Variants in EHHADH observed in about 807,000 individuals in gnomAD.
The protein encoded by EHHADH is peroxisomal bifunctional enzyme.
A neutral mutation model predicts 64.4 loss-of-function variants in EHHADH; 48 were observed. The ratio of observed to expected loss-of-function variants is 0.75; its 90% CI spans 0.59 to 0.95. The LOEUF is 0.95. Among genes scored for constraint, EHHADH ranks in the 40% least tolerant of loss-of-function variants. The pLI, the probability that EHHADH is intolerant of heterozygous loss-of-function variation, is 0.00. For synonymous variants in EHHADH, 308 were observed against 326.7 expected (o/e 0.94, Z 0.62); for missense variants, 854 against 876.6 (o/e 0.97, Z 0.33).
At chr3:185,218,727 T>TA (rs989044774) in intron 4 of EHHADH, among the ~76,000 whole-genome samples, 65 of 144,012 alleles carry the variant, frequency 4.5e-4, no homozygotes, top group East Asian at 1.8e-3. Flanking sequence ...TGTGGATGGT[T>TA]AAAAAAAAAA....
intron 1 of EHHADH, among the ~76,000 whole-genome samples, chr3:185,248,936 A>C (rs1173899572): frequency 6.6e-6 from 1 of 152,232 alleles, no homozygotes; most frequent in Non-Finnish European, 1.5e-5. Context: ...AGGTACAAAG[A>C]AAAAGTGATG....
rs3072431 is a variant in EHHADH, at chr3:185,251,608, ATGTGTGTGTGTGTG to A, written c.74+2327_74+2340del. ...TATTTGTTTTGGGGAAAAAATTTAT[ATGTGTGTGTGTGTG>A]TGTGTGTGTGTGTGTGTATTACACT... is the stretch of plus-strand genomic sequence containing the variant. On this transcript the variant is annotated intron_variant, in intron 1 of 6. Coordinates refer to ENST00000231887, the MANE Select transcript of EHHADH (RefSeq NM_001966.4). Among the ~76,000 whole-genome samples, 811 of 149,310 alleles carry A rather than the reference ATGTGTGTGTGTGTG, an allele frequency of 5.4e-3. 10 individuals carry two copies. Among genetic ancestry groups the A allele is most frequent in the African/African-American group, 0.019 (780 of 40,662 alleles).
chr3:185,193,024 A>T lies in EHHADH; in HGVS notation c.1374T>A (p.Thr458=), dbSNP rs1480698028. The change falls in exon 7 of 7, where the codon ACT becomes ACA. Residue 458 remains threonine (T), a synonymous_variant. Transcript: ENST00000231887. ...SQYSSPTTIA[T]VMNLSKKIKK... is the part of the protein sequence containing the mutation. ...TAATCTTTTTTGATAAGTTCATAACAGTGGCAATGGTAGTGGGGGAAGAGT... is the reference window on the plus strand; with the variant it reads ...TAATCTTTTTTGATAAGTTCATAACTGTGGCAATGGTAGTGGGGGAAGAGT... 1 of 1,614,238 alleles carries T rather than the reference A, an allele frequency of 6.2e-7. No individual in the cohort carries two copies. Among genetic ancestry groups the T allele is most frequent in the Admixed American group, 1.7e-5 (1 of 60,022 alleles).
chr3:185,217,401 G>A (rs996819434), intron 5 of EHHADH, among the ~76,000 whole-genome samples: 10 of 151,706 alleles, frequency 6.6e-5, no homozygotes, highest in African/African-American at 9.7e-5. Context: ...AATAATTAGC[G>A]GGGCATGGTG....
Position 185,192,581 on chromosome 3 carries a change from G to A in EHHADH, c.1817C>T (p.Thr606Ile). 1.2e-6 allele frequency: 2 copies of A among 1,614,178 alleles called. No homozygotes were observed. The highest frequency in any genetic ancestry group is 1.7e-6 in the Non-Finnish European group (2 of 1,180,036). The change falls in exon 7 of 7, where the codon ACC becomes ATC. Residue 606 changes from threonine (T) to isoleucine (I), a missense_variant. Thr to Ile is a moderately conservative substitution (Grantham distance 89). Coordinates refer to ENST00000231887, the MANE Select transcript of EHHADH (RefSeq NM_001966.4). ...AATGGTACGTGGTTCAATGTGATGG[G>A]TTTTTCTATACCGTGATAGGAATTT... ...LSKFLSRYRKTHHIEPRTISQ... is the reference protein window; with the variant it reads ...LSKFLSRYRKIHHIEPRTISQ...
At chr3:185,212,564 G>A (rs983852579) in intron 5 of EHHADH, among the ~76,000 whole-genome samples, 3 of 151,430 alleles carry the variant, frequency 2.0e-5, no homozygotes, top group African/African-American at 4.9e-5. Context: ...TTCTTCTTTC[G>A]TTGTTGTTGT....
intron 6 of EHHADH, among the ~76,000 whole-genome samples, chr3:185,195,911 C>A (rs192606655): frequency 6.6e-6 from 1 of 152,112 alleles, no homozygotes; most frequent in South Asian, 2.1e-4. Flanking sequence ...TGCACACGTA[C>A]CCCCTGAATC....
At chr3:185,218,744 C>T (rs567363432) in intron 4 of EHHADH, among the ~76,000 whole-genome samples, 76 of 151,906 alleles carry the variant, frequency 5.0e-4, no homozygotes, top group East Asian at 2.7e-3. Context: ...AAAAAAGGAC[C>T]GGGCACGGTG....
chr3:185,231,989 G>A (rs1719147323), intron 3 of EHHADH, among the ~76,000 whole-genome samples: 1 of 151,482 alleles, frequency 6.6e-6, no homozygotes, highest in Non-Finnish European at 1.5e-5. Context: ...TTTAAAGTCA[G>A]ACAGTAATCT....
Position 185,217,955 on chromosome 3 carries a change from C to T in EHHADH, c.568+181G>A, listed in dbSNP as rs527934957. ...AATTTTTTGTATTTTTTAGTAGACA[C>T]GGGGTTTCACCGTGTTAGCCAGGAT... On this transcript the variant is annotated intron_variant, in intron 5 of 6. Coordinates refer to ENST00000231887, the MANE Select transcript of EHHADH (RefSeq NM_001966.4). Among the ~76,000 whole-genome samples the T allele has an allele frequency of 2.6e-5, 4 of 151,754 alleles. No homozygotes were observed. In the South Asian group the frequency reaches 8.4e-4, roughly 32 times the overall value.
chr3:185,253,729 T>TC, intron 1 of EHHADH: 1 of 1,080,896 alleles, frequency 9.3e-7, no homozygotes, highest in Non-Finnish European at 1.2e-6. Context: ...GGACGAGAGT[T>TC]CCCTGCGAAG....
chr3:185,196,998 T>C (rs1180809104), intron 6 of EHHADH, among the ~76,000 whole-genome samples: 1 of 148,342 alleles, frequency 6.7e-6, no homozygotes, highest in Admixed American at 6.7e-5. Context: ...TGAGACTCCA[T>C]CTTGAAGAAA....
At chr3:185,240,932 T>C (rs2108649488) in intron 2 of EHHADH, among the ~76,000 whole-genome samples, 1 of 152,176 alleles carries the variant, frequency 6.6e-6, no homozygotes, top group East Asian at 1.9e-4. Flanking sequence ...TGCACTGTAT[T>C]TGTAGTCTTT....
Position 185,218,135 on chromosome 3 carries a change from C to T in EHHADH, c.568+1G>A, listed in dbSNP as rs113199940. On this transcript the variant is annotated splice_donor_variant, in intron 5 of 6. Transcript: ENST00000231887. LOFTEE classifies it high-confidence loss of function. ...GGCTATTTTTATTATTATCTTCTTA[C>T]CTGAAACTCTCTGAGCAAATCTGAT... 10 of 1,595,126 alleles carry T rather than the reference C, an allele frequency of 6.3e-6. No individual in the cohort carries two copies. The highest frequency in any genetic ancestry group is 1.4e-5 in the African/African-American group (1 of 73,116).
chr3:185,227,539 A>T (rs1451004946), intron 4 of EHHADH, among the ~76,000 whole-genome samples: 1 of 145,082 alleles, frequency 6.9e-6, no homozygotes, highest in Non-Finnish European at 1.5e-5. Context: ...TCTCAAAAAA[A>T]AATAGGTCAG....
At position 185,191,857 on chromosome 3, in the gene EHHADH, C is replaced by T. The variant is rs1717879533; in HGVS notation, c.*369G>A. ...TTTCTGATCAATACTATGTGTGTGA[C>T]ATTGAAAGGAGTCAAAATGAATGTA... is the stretch of plus-strand genomic sequence containing the variant. On this transcript the variant is annotated 3_prime_UTR_variant, in exon 7 of 7. Transcript: ENST00000231887. The T allele has an allele frequency of 8.4e-6, 2 of 238,828 alleles. No homozygotes were observed. The highest frequency in any genetic ancestry group is 1.0e-4 in the Admixed American group (2 of 19,454). The allele number at this position is 238,828 out of a possible 1,614,324, so 14.8% of individuals were successfully genotyped here.
In EHHADH at chr3:185,204,444, C is replaced by T. The variant is rs748132233; in HGVS notation, c.882G>A (p.Ala294=). The part of the protein sequence containing the change: ...PSGASWKTAS[A]RPVSSVGVVG... ...CAACACCAACTGAGGAGACAGGCCG[C>T]GCTGATGCTGTTTTCCACGATGCTC... Residue 294 remains alanine (A), a synonymous_variant, in exon 6 of 7, where the codon GCG becomes GCA. Coordinates refer to ENST00000231887, the MANE Select transcript of EHHADH (RefSeq NM_001966.4). 1.5e-5 allele frequency: 24 copies of T among 1,611,658 alleles called. No homozygotes were observed. The highest frequency in any genetic ancestry group is 1.7e-5 in the Non-Finnish European group (20 of 1,179,232).
intron 5 of EHHADH, among the ~76,000 whole-genome samples, chr3:185,215,043 T>C (rs1485040021): frequency 6.6e-6 from 1 of 152,136 alleles, no homozygotes; most frequent in African/African-American, 2.4e-5. Flanking sequence ...TTATTTAAAC[T>C]CAGTCTCACC....
intron 5 of EHHADH, among the ~76,000 whole-genome samples, chr3:185,208,943 G>T (rs1577359258): frequency 6.6e-6 from 1 of 152,328 alleles, no homozygotes; most frequent in South Asian, 2.1e-4. Flanking sequence ...ATTACATATT[G>T]TATGATGCCA....
Sources: gnomAD v4.1 joint callset for allele counts (sites outside exome capture counted in the v4.1 genomes callset) on GRCh38, gnomAD v4.1.1 for gene constraint, MANE v1.5 for transcripts, NCBI Gene and HGNC (gene_info 2026-07-23, HGNC 2026-07-21) for gene names.